Variants in CNTNAP2 observed in about 807,000 individuals in gnomAD.
CNTNAP2 encodes contactin associated protein 2.
In CNTNAP2, 98 loss-of-function variants were observed where a neutral mutation model predicts 155.2. The ratio of observed to expected loss-of-function variants is 0.63; its 90% confidence interval spans 0.54 to 0.75. The LOEUF is 0.75. Ranked by LOEUF, CNTNAP2 falls within the 30% of genes least tolerant of loss-of-function variation. The pLI, the probability that CNTNAP2 is intolerant of heterozygous loss-of-function variation, is 0.00. For synonymous variants in CNTNAP2, 651 were observed against 631.2 expected (o/e 1.03, Z -0.47); for missense variants, 1,727 against 1,688.1 (o/e 1.02, Z -0.40).
chr7:146,984,347 A>G (rs1348649399), intron 3 of CNTNAP2, among the ~76,000 whole-genome samples: 1 of 148,516 alleles, frequency 6.7e-6, no homozygotes, highest in Non-Finnish European at 1.5e-5. Flanking sequence ...AGCCTGGGCA[A>G]CAAGAGCAAA....
chr7:146,475,476 A>G (rs1225408644), intron 1 of CNTNAP2, among the ~76,000 whole-genome samples: 1 of 152,222 alleles, frequency 6.6e-6, no homozygotes, highest in East Asian at 1.9e-4. Flanking sequence ...TATAGAGTGC[A>G]GAGGCCTTTA....
At chr7:147,268,782 G>A (rs1804673319) in intron 8 of CNTNAP2, among the ~76,000 whole-genome samples, 1 of 152,160 alleles carries the variant, frequency 6.6e-6, no homozygotes, top group African/African-American at 2.4e-5. Context: ...CAAATTTTTG[G>A]AGAAGGATTG....
intron 3 of CNTNAP2, among the ~76,000 whole-genome samples, chr7:146,981,005 A>G (rs1397393060): frequency 6.6e-6 from 1 of 152,138 alleles, no homozygotes; most frequent in African/African-American, 2.4e-5. Context: ...CATATTCCCT[A>G]GGCACAAGGT....
intron 13 of CNTNAP2, among the ~76,000 whole-genome samples, chr7:147,744,326 T>C (rs1364560592): frequency 6.6e-6 from 1 of 152,214 alleles, no homozygotes; most frequent in African/African-American, 2.4e-5. Flanking sequence ...GAATTCCTGG[T>C]ATTATTATTA....
At chr7:146,157,614 T>C (rs868130959) in intron 1 of CNTNAP2, among the ~76,000 whole-genome samples, 1 of 152,136 alleles carries the variant, frequency 6.6e-6, no homozygotes, top group Non-Finnish European at 1.5e-5. Context: ...GAGGGTCCCA[T>C]GCCCACAGAG....
At chr7:146,286,916 G>T (rs1382582812) in intron 1 of CNTNAP2, among the ~76,000 whole-genome samples, 1 of 152,090 alleles carries the variant, frequency 6.6e-6, no homozygotes, top group Non-Finnish European at 1.5e-5. Flanking sequence ...GACCAGCCTG[G>T]CAACCTAGGG....
At chr7:146,753,734 C>T (rs189135079) in intron 1 of CNTNAP2, among the ~76,000 whole-genome samples, 343 of 152,084 alleles carry the variant, frequency 2.3e-3, no homozygotes, top group African/African-American at 7.9e-3. Flanking sequence ...TCAGAGGTTT[C>T]CATCTTTTAG....
At chr7:147,617,170 A>G (rs1462958597) in intron 12 of CNTNAP2, among the ~76,000 whole-genome samples, 1 of 152,100 alleles carries the variant, frequency 6.6e-6, no homozygotes, top group African/African-American at 2.4e-5. Flanking sequence ...ATCCCCATTC[A>G]TCTGTCATGG....
chr7:148,353,967 A>G (rs972077070), intron 21 of CNTNAP2, among the ~76,000 whole-genome samples: 2 of 152,180 alleles, frequency 1.3e-5, no homozygotes, highest in Non-Finnish European at 2.9e-5. Flanking sequence ...GAACAGAGCT[A>G]TTATCATCGA....
chr7:147,672,883 T>A (rs552364573), intron 13 of CNTNAP2: 1 of 152,334 alleles, frequency 6.6e-6, no homozygotes, highest in African/African-American at 2.4e-5. Flanking sequence ...TTGATTTGAT[T>A]GCAGCTGGAT....
chr7:146,246,042 G>A (rs1381713738), intron 1 of CNTNAP2, among the ~76,000 whole-genome samples: 5 of 151,762 alleles, frequency 3.3e-5, no homozygotes, highest in African/African-American at 1.2e-4. Flanking sequence ...GAATTGTAAG[G>A]AGAGTTTATA....
chr7:148,286,905 A>C (rs1234665876), intron 21 of CNTNAP2, among the ~76,000 whole-genome samples: 1 of 152,062 alleles, frequency 6.6e-6, no homozygotes, highest in African/African-American at 2.4e-5. Context: ...ACATCTTTCT[A>C]CGTCATGTTT....
intron 3 of CNTNAP2, among the ~76,000 whole-genome samples, chr7:147,037,801 T>C (rs1272751076): frequency 1.3e-5 from 2 of 152,212 alleles, no homozygotes; most frequent in African/African-American, 2.4e-5. Flanking sequence ...TGTTAGACGT[T>C]GTTTTTATTA....
At chr7:147,046,796 A>G (rs143198986) in intron 4 of CNTNAP2, among the ~76,000 whole-genome samples, 11,634 of 151,930 alleles carry the variant, frequency 0.077, 494 homozygotes, top group Middle Eastern at 0.15. Flanking sequence ...TTGGGAGGCC[A>G]AGGAGGGCGG....
At chr7:146,136,275 C>T (rs1797796353) in intron 1 of CNTNAP2, among the ~76,000 whole-genome samples, 1 of 152,052 alleles carries the variant, frequency 6.6e-6, no homozygotes, top group Admixed American at 6.6e-5. Flanking sequence ...AGATGGCTGC[C>T]AATAGTCTTG....
chr7:148,272,960 G>A (rs1277200695), intron 21 of CNTNAP2, among the ~76,000 whole-genome samples: 3 of 152,210 alleles, frequency 2.0e-5, no homozygotes, highest in Non-Finnish European at 4.4e-5. Flanking sequence ...GCCACATGCA[G>A]GGTGGATTAG....
intron 8 of CNTNAP2, among the ~76,000 whole-genome samples, chr7:147,223,301 A>G (rs1032873646): frequency 3.3e-5 from 5 of 152,194 alleles, no homozygotes; most frequent in Admixed American, 2.6e-4. Context: ...ACAAATCTAT[A>G]GTGAGACAGA....
At chr7:148,177,394 C>T (rs977667185) in intron 18 of CNTNAP2, among the ~76,000 whole-genome samples, 8 of 152,108 alleles carry the variant, frequency 5.3e-5, no homozygotes, top group African/African-American at 1.9e-4. Context: ...CCAAGGAATT[C>T]CTGAGGCTAC....
chr7:147,433,405 T>C (rs980897098), intron 10 of CNTNAP2, among the ~76,000 whole-genome samples: 1 of 151,096 alleles, frequency 6.6e-6, no homozygotes, highest in African/African-American at 2.5e-5. Flanking sequence ...TAGTAGTTCA[T>C]TTGGTCACAG....
Sources: gnomAD v4.1 joint callset for allele counts (sites outside exome capture counted in the v4.1 genomes callset) on GRCh38, gnomAD v4.1.1 for gene constraint, MANE v1.5 for transcripts, NCBI Gene and HGNC (gene_info 2026-07-23, HGNC 2026-07-21) for gene names.